ZSCAN21: variants seen among roughly 807,000 people sequenced by gnomAD.
The protein encoded by ZSCAN21 is zinc finger and SCAN domain containing 21, also known as zinc finger and SCAN domain-containing protein 21.
In ZSCAN21, 26 loss-of-function variants were observed where a neutral mutation model predicts 35.6. That is an observed-to-expected ratio of 0.73 (90% CI 0.54 to 1.01). The LOEUF (loss-of-function observed/expected upper bound fraction) is 1.01, where lower values mean the gene tolerates loss of function less well. Ranked by LOEUF, ZSCAN21 falls within the 50% of genes least tolerant of loss-of-function variation. The probability of loss-of-function intolerance (pLI) is 0.00; values close to 1 mark genes in which losing one functional copy is unlikely to be tolerated. For synonymous variants in ZSCAN21, 219 were observed against 219.3 expected, an observed-to-expected ratio of 1.00 and a Z score of 0.01; for missense variants, 593 against 587.1, an observed-to-expected ratio of 1.01 and a Z score of -0.10.
chr7:100,052,418 G>A (rs1482279915), intron 1 of ZSCAN21, among the ~76,000 whole-genome samples: 2 of 151,730 alleles, frequency 1.3e-5, no homozygotes, highest in African/African-American at 4.8e-5. Flanking sequence ...AACAGGCTAA[G>A]ACACTGTCTC....
Position 100,057,332 on chromosome 7 carries a change from G to A in ZSCAN21, c.326G>A (p.Cys109Tyr). 1 of 1,607,100 alleles carries A rather than the reference G, an allele frequency of 6.2e-7. No individual in the cohort carries two copies. The highest frequency in any genetic ancestry group is 8.5e-7 in the Non-Finnish European group (1 of 1,177,022). The part of the protein sequence containing the change: ...QELQAWVQEH[C>Y]PESAEEAVTL... ...CTCCAGGCCTGGGTGCAGGAGCATTGCCCGGAGAGCGCTGAAGAGGCTGTC... is the reference window on the plus strand; with the variant it reads ...CTCCAGGCCTGGGTGCAGGAGCATTACCCGGAGAGCGCTGAAGAGGCTGTC... The change falls in exon 2 of 4, where the codon TGC becomes TAC. Residue 109 changes from cysteine to tyrosine, a missense_variant. By Grantham distance (194) the Cys-to-Tyr change is radical (BLOSUM62 -2). Transcript: ENST00000292450.
intron 1 of ZSCAN21, among the ~76,000 whole-genome samples, chr7:100,052,845 A>G (rs952934184): frequency 6.6e-6 from 1 of 152,116 alleles, no homozygotes; most frequent in Non-Finnish European, 1.5e-5. Context: ...AAACTGATGT[A>G]CCACCGGGCG....
At chr7:100,055,581 C>T (rs909331327) in intron 1 of ZSCAN21, among the ~76,000 whole-genome samples, 1 of 151,440 alleles carries the variant, frequency 6.6e-6, no homozygotes. Context: ...TAGTTAATTA[C>T]ACCCTTCGAG....
At position 100,064,209 on chromosome 7, in the gene ZSCAN21, A is replaced by G. The variant is rs1208716984; in HGVS notation, c.1014A>G (p.Gly338=). 2.5e-6 allele frequency: 4 copies of G among 1,614,160 alleles called. No homozygotes were observed. Among genetic ancestry groups the G allele is most frequent in the Middle Eastern group, 1.6e-4 (1 of 6,062 alleles). ...LVDRPYDCKC[G]KAFGQSSDLL... is the part of the protein sequence containing the mutation. ...ACCGGCCCTATGACTGTAAGTGTGG[A>G]AAAGCTTTTGGGCAGAGCTCAGACC... Residue 338 remains glycine, a synonymous_variant, in exon 4 of 4, where the codon GGA becomes GGG. Coordinates refer to ENST00000292450, the MANE Select transcript of ZSCAN21 (RefSeq NM_145914.3).
chr7:100,053,545 A>AGTTTT (rs1554357976), intron 1 of ZSCAN21, among the ~76,000 whole-genome samples: 4 of 130,380 alleles, frequency 3.1e-5, no homozygotes, highest in African/African-American at 1.2e-4. Context: ...ATACATACAT[A>AGTTTT]ATTTTTTTTT....
At chr7:100,051,539 C>G (rs548136070) in intron 1 of ZSCAN21, 31 of 151,624 alleles carry the variant, frequency 2.0e-4, no homozygotes, top group Non-Finnish European at 3.8e-4. Context: ...CGTGATCTGC[C>G]CGCCTCGGGC....
intron 3 of ZSCAN21, among the ~76,000 whole-genome samples, chr7:100,062,930 A>C (rs1792397890): frequency 1.3e-5 from 2 of 152,364 alleles, no homozygotes; most frequent in African/African-American, 4.8e-5. Flanking sequence ...TCTGTTGCCC[A>C]GGCCAGCACA....
intron 3 of ZSCAN21, among the ~76,000 whole-genome samples, chr7:100,062,066 G>A (rs972009590): frequency 3.3e-5 from 5 of 152,166 alleles, no homozygotes; most frequent in South Asian, 4.1e-4. Context: ...TGGAGATCAC[G>A]TGCTTTCATT....
intron 1 of ZSCAN21, among the ~76,000 whole-genome samples, chr7:100,054,612 T>C (rs149286469): frequency 5.9e-5 from 9 of 152,090 alleles, no homozygotes; most frequent in African/African-American, 2.2e-4. Flanking sequence ...TTTCCGTGCC[T>C]TACAGTTTCC....
chr7:100,050,899 A>G (rs1791835080), intron 1 of ZSCAN21, among the ~76,000 whole-genome samples: 1 of 151,916 alleles, frequency 6.6e-6, no homozygotes, highest in Non-Finnish European at 1.5e-5. Context: ...ATTCAGGTTA[A>G]AGAATTTGTG....
rs750577877 is a variant in ZSCAN21, at chr7:100,064,443, T to G, written c.1248T>G (p.Tyr416Ter). ...GACTCCACACCGGAGAGAAGCCATA[T>G]AAGTGTAAGGAGTGTGGGAAAGCCT... ...HQRLHTGEKPYKCKECGKAFN... is the reference protein window; with the variant it reads ...HQRLHTGEKP The change falls in exon 4 of 4, where the codon TAT becomes TAG. Residue 416 changes from tyrosine to a stop codon, truncating the protein, a stop_gained. Transcript: ENST00000292450. LOFTEE classifies it high-confidence loss of function. 1.9e-6 allele frequency: 3 copies of G among 1,613,758 alleles called. No individual in the cohort carries two copies. The Admixed American group carries it at 5.0e-5, about 27-fold the overall frequency.
At chr7:100,051,817 A>G (rs1170959619) in intron 1 of ZSCAN21, among the ~76,000 whole-genome samples, 1 of 152,128 alleles carries the variant, frequency 6.6e-6, no homozygotes, top group South Asian at 2.1e-4. Context: ...ATGATAGACC[A>G]TGAACTTTTG....
At chr7:100,063,721 T>C in intron 3 of ZSCAN21, 67 bp from the exon 4 acceptor site, 1 of 1,469,148 alleles carries the variant, frequency 6.8e-7, no homozygotes, top group Non-Finnish European at 9.2e-7. Flanking sequence ...GTTCTATCTC[T>C]CTGGTAACAG....
intron 1 of ZSCAN21, among the ~76,000 whole-genome samples, chr7:100,056,589 C>T (rs1056841042): frequency 1.3e-5 from 2 of 152,078 alleles, no homozygotes; most frequent in Non-Finnish European, 2.9e-5. Context: ...CTCAGCCTCC[C>T]AGGTAGCTGG....
At chr7:100,061,992 G>A (rs748833504) in intron 3 of ZSCAN21, among the ~76,000 whole-genome samples, 4 of 152,190 alleles carry the variant, frequency 2.6e-5, no homozygotes, top group Non-Finnish European at 5.9e-5. Context: ...AATAGTGAGC[G>A]TCACTTTATA....
intron 3 of ZSCAN21, among the ~76,000 whole-genome samples, chr7:100,063,124 G>C (rs958905448): frequency 6.6e-6 from 1 of 152,196 alleles, no homozygotes; most frequent in African/African-American, 2.4e-5. Context: ...TGAACTCCCA[G>C]ACTCAAGCCA....
intron 3 of ZSCAN21, among the ~76,000 whole-genome samples, chr7:100,059,175 C>T (rs568981119): frequency 2.0e-5 from 3 of 152,254 alleles, no homozygotes; most frequent in East Asian, 3.9e-4. Context: ...GTGTCTGAAA[C>T]GTGAAACTCC....
intron 1 of ZSCAN21, among the ~76,000 whole-genome samples, chr7:100,054,187 A>G (rs1484887674): frequency 6.6e-6 from 1 of 152,060 alleles, no homozygotes; most frequent in African/African-American, 2.4e-5. Context: ...CTGAGTACAT[A>G]CAGACTTATT....
intron 1 of ZSCAN21, among the ~76,000 whole-genome samples, chr7:100,051,056 T>C (rs1052191538): frequency 6.7e-6 from 1 of 150,206 alleles, no homozygotes; most frequent in African/African-American, 2.4e-5. Flanking sequence ...GCGGGCGTGG[T>C]GGCACATGCC....
Sources: gnomAD v4.1 joint callset for allele counts (sites outside exome capture counted in the v4.1 genomes callset) on GRCh38, gnomAD v4.1.1 for gene constraint, MANE v1.5 for transcripts, NCBI Gene and HGNC (gene_info 2026-07-23, HGNC 2026-07-21) for gene names.